The following MYO10 variants were observed in gnomAD, a reference collection of about 807,000 sequenced individuals.
MYO10 encodes the protein myosin X.
In MYO10, 133 loss-of-function variants were observed where a neutral mutation model predicts 257.3. The ratio of observed to expected loss-of-function variants is 0.52; its 90% CI spans 0.45 to 0.60. The LOEUF is 0.60. Among genes scored for constraint, MYO10 ranks in the 20% least tolerant of loss-of-function variants. The pLI, the probability that MYO10 is intolerant of heterozygous loss-of-function variation, is 0.00. For synonymous variants in MYO10, 1,104 were observed against 1,028.6 expected, an observed-to-expected ratio of 1.07 and a Z score of -1.40; for missense variants, 2,399 against 2,635.7, an observed-to-expected ratio of 0.91 and a Z score of 1.97.
intron 2 of MYO10, among the ~76,000 whole-genome samples, chr5:16,846,529 C>A (rs1743640510): frequency 6.6e-6 from 1 of 152,190 alleles, no homozygotes; most frequent in Admixed American, 6.5e-5. Context: ...CTTTCAAAGG[C>A]TATATTATCT....
At chr5:16,739,950 C>A (rs550664838) in intron 19 of MYO10, among the ~76,000 whole-genome samples, 2 of 152,236 alleles carry the variant, frequency 1.3e-5, no homozygotes, top group South Asian at 2.1e-4. Context: ...TGTCACTATT[C>A]TTTGTCGCAT....
chr5:16,873,742 G>A (rs2402320), intron 2 of MYO10, among the ~76,000 whole-genome samples: 29,558 of 152,164 alleles, frequency 0.19, 3,093 homozygotes, highest in Admixed American at 0.29. Flanking sequence ...CCAAGGCTTG[G>A]GGATTCTACC....
chr5:16,825,516 T>A (rs1008872168), intron 2 of MYO10, among the ~76,000 whole-genome samples: 1 of 152,206 alleles, frequency 6.6e-6, no homozygotes, highest in Non-Finnish European at 1.5e-5. Flanking sequence ...CTATATTTTA[T>A]ATCCTATTTC....
chr5:16,783,808 C>G (rs1741494785), intron 4 of MYO10, among the ~76,000 whole-genome samples: 1 of 152,172 alleles, frequency 6.6e-6, no homozygotes, highest in South Asian at 2.1e-4. Flanking sequence ...TCCCAAACAC[C>G]TCCACTGTGT....
chr5:16,820,640 T>A (rs115092718), intron 2 of MYO10, among the ~76,000 whole-genome samples: 602 of 152,286 alleles, frequency 4.0e-3, no homozygotes, highest in Non-Finnish European at 7.0e-3. Flanking sequence ...CTTCTCAACG[T>A]GAAAACAAAC....
At chr5:16,697,629 T>C (rs42606) in intron 26 of MYO10, among the ~76,000 whole-genome samples, 86,057 of 150,640 alleles carry the variant, frequency 0.57, 24,872 homozygotes, top group African/African-American at 0.66. Flanking sequence ...ACCCCGGGGG[T>C]GGAGGCTGCA....
chr5:16,895,756 A>T (rs1281553008), intron 1 of MYO10, among the ~76,000 whole-genome samples: 1 of 10,656 alleles, frequency 9.4e-5, no homozygotes, highest in African/African-American at 3.4e-4. Flanking sequence ...ACACCACAAC[A>T]CACACACACA....
rs759872392 is a variant in MYO10 at position 16,701,441 on chromosome 5, CTGAAGT to C, written c.2948_2953del (p.Asn983_Phe984del). The C allele has an allele frequency of 1.5e-5, 24 of 1,613,890 alleles. No individual in the cohort carries two copies. The East Asian group carries it at 5.3e-4, about 36-fold the overall frequency. The stretch of plus-strand genomic sequence containing the variant: ...GACCTCCTCCTCTGGGTAGGGCTGG[CTGAAGT>C]TGAAGTTGGGCTTCTCCTCGCATGC... On this transcript the variant is annotated inframe_deletion, in exon 25 of 41. Transcript: ENST00000513610. This position sits in a 1 kb window ranked among gnomAD's most constrained non-coding sequence, Gnocchi z 8.1.
chr5:16,726,606 G>C (rs953374587), intron 19 of MYO10, among the ~76,000 whole-genome samples: 2 of 152,052 alleles, frequency 1.3e-5, no homozygotes, highest in Non-Finnish European at 2.9e-5. Flanking sequence ...CTAGCTATGC[G>C]GCTCTTCCTG....
At chr5:16,737,080 G>A (rs944397254) in intron 19 of MYO10, among the ~76,000 whole-genome samples, 3 of 152,010 alleles carry the variant, frequency 2.0e-5, no homozygotes, top group African/African-American at 7.3e-5. Flanking sequence ...TTATTTATCT[G>A]AAGAGTTCTT....
Position 16,701,955 on chromosome 5 carries a change from A to G in MYO10, c.2557-117T>C, listed in dbSNP as rs1230616940. The G allele has an allele frequency of 6.5e-6, 8 of 1,234,868 alleles. No homozygotes were observed. Among genetic ancestry groups the G allele is most frequent in the Non-Finnish European group, 8.8e-6 (8 of 908,602 alleles). 76.5% of individuals were successfully genotyped at this position (1,234,868 alleles called of 1,614,324 possible). Reference sequence around the variant, plus strand: ...TATGAGTTGGACTGTGTCCCCATAAAGTCTATAGGTTGAAGTCCTAACCCC... The same window carrying G: ...TATGAGTTGGACTGTGTCCCCATAAGGTCTATAGGTTGAAGTCCTAACCCC... On this transcript the variant is annotated intron_variant, in intron 24 of 40. Coordinates refer to ENST00000513610, the MANE Select transcript of MYO10 (RefSeq NM_012334.3). This position sits in a 1 kb window ranked among gnomAD's most constrained non-coding sequence, Gnocchi z 8.1.
At chr5:16,818,364 G>GTA (rs1253425902) in intron 2 of MYO10, among the ~76,000 whole-genome samples, 197 bp from the exon 3 acceptor site, 6 of 31,878 alleles carry the variant, frequency 1.9e-4, no homozygotes, top group African/African-American at 3.0e-4. Flanking sequence ...GTGTATGTAT[G>GTA]TGTGTGTGTG....
chr5:16,867,600 G>A (rs75454681), intron 2 of MYO10, among the ~76,000 whole-genome samples: 2,907 of 152,270 alleles, frequency 0.019, 73 homozygotes, highest in African/African-American at 0.059. Context: ...AAATTGGGCC[G>A]ATGGCATTAA....
chr5:16,904,525 A>C (rs1745468562), intron 1 of MYO10, among the ~76,000 whole-genome samples: 2 of 152,182 alleles, frequency 1.3e-5, no homozygotes, highest in African/African-American at 2.4e-5. Flanking sequence ...CGCCGGGTAG[A>C]CAGTGTCAGA....
chr5:16,760,660 G>GAC (rs1374097396), intron 17 of MYO10, among the ~76,000 whole-genome samples: 13 of 151,974 alleles, frequency 8.6e-5, no homozygotes, highest in Admixed American at 8.5e-4. Flanking sequence ...ACTAACTAGA[G>GAC]ACACAGGAGT....
In MYO10 at chr5:16,666,447, G is replaced by A. The variant is rs1736172278; in HGVS notation, c.*245C>T. The A allele has an allele frequency of 2.4e-6, 1 of 420,460 alleles. No individual in the cohort carries two copies. The highest frequency in any genetic ancestry group is 2.0e-5 in the African/African-American group (1 of 48,880). 26.0% of individuals were successfully genotyped at this position (420,460 alleles called of 1,614,324 possible). A position where few individuals can be genotyped will look rare whatever the true frequency, so the allele number is the denominator to read the frequency against. On this transcript the variant is annotated 3_prime_UTR_variant, in exon 41 of 41. Transcript: ENST00000513610. The stretch of plus-strand genomic sequence containing the variant: ...GTGGTTCCTCCCCTCCTTTTTTAAG[G>A]CATGTGTCCTCTAAGAGTAGTAAAG...
At chr5:16,894,636 C>T (rs115244192) in intron 1 of MYO10, among the ~76,000 whole-genome samples, 2,821 of 152,346 alleles carry the variant, frequency 0.019, 42 homozygotes, top group Middle Eastern at 0.037. Flanking sequence ...AACACAGATA[C>T]TGTGCCAGAG....
At chr5:16,750,696 A>C (rs987781681) in intron 19 of MYO10, among the ~76,000 whole-genome samples, 1 of 152,086 alleles carries the variant, frequency 6.6e-6, no homozygotes, top group Non-Finnish European at 1.5e-5. Flanking sequence ...CATATAACAC[A>C]CACAAAAAGA....
At chr5:16,672,123 C>T (rs1298700353) in intron 37 of MYO10, among the ~76,000 whole-genome samples, 2 of 152,008 alleles carry the variant, frequency 1.3e-5, no homozygotes, top group African/African-American at 4.8e-5. Flanking sequence ...GGCCAAACCC[C>T]ATCTGTACTA....
Sources: gnomAD v4.1 joint callset for allele counts (sites outside exome capture counted in the v4.1 genomes callset) on GRCh38, gnomAD v4.1.1 for gene constraint, Gnocchi (gnomAD v3.1) non-coding constraint, MANE v1.5 for transcripts, NCBI Gene and HGNC (gene_info 2026-07-23, HGNC 2026-07-21) for gene names.